The following PACRG variants were observed in gnomAD, a reference collection of about 807,000 sequenced individuals.
PACRG encodes parkin coregulated, also known as parkin coregulated gene protein.
In PACRG, 29 loss-of-function variants were observed where a neutral mutation model predicts 29.7. That is an observed-to-expected ratio of 0.98 (90% CI 0.73 to 1.33). The LOEUF (loss-of-function observed/expected upper bound fraction) is 1.33, where lower values mean the gene tolerates loss of function less well. PACRG is among the 40% of genes most tolerant of loss of function. The pLI, the probability that PACRG is intolerant of heterozygous loss-of-function variation, is 0.00. For synonymous variants in PACRG, 116 were observed against 118.7 expected, an observed-to-expected ratio of 0.98 and a Z score of 0.15; for missense variants, 279 against 316.2, an observed-to-expected ratio of 0.88 and a Z score of 0.89.
chr6:163,278,038 G>A (rs182060472), intron 4 of PACRG, among the ~76,000 whole-genome samples: 1 of 152,202 alleles, frequency 6.6e-6, no homozygotes, highest in East Asian at 1.9e-4. Context: ...TCTTGCAGGA[G>A]TGAGGTGGTA....
At chr6:163,029,924 A>G (rs1242895671) in intron 2 of PACRG, among the ~76,000 whole-genome samples, 2 of 152,224 alleles carry the variant, frequency 1.3e-5, no homozygotes, top group Admixed American at 6.5e-5. Flanking sequence ...TTCCAGGAGT[A>G]AATGAGGAGC....
chr6:162,930,993 AT>A (rs1276748613), intron 2 of PACRG, among the ~76,000 whole-genome samples: 1 of 151,028 alleles, frequency 6.6e-6, no homozygotes, highest in Non-Finnish European at 1.5e-5. Flanking sequence ...TTTGTTGATA[AT>A]TTTTTCATAT....
At chr6:163,164,435 C>A (rs1348700666) in intron 4 of PACRG, among the ~76,000 whole-genome samples, 1 of 152,186 alleles carries the variant, frequency 6.6e-6, no homozygotes, top group African/African-American at 2.4e-5. Context: ...CAGGTCTGGA[C>A]AAGACTCTGC....
At chr6:162,775,505 G>A (rs1018187416) in intron 1 of PACRG, among the ~76,000 whole-genome samples, 1 of 152,098 alleles carries the variant, frequency 6.6e-6, no homozygotes, top group African/African-American at 2.4e-5. Context: ...GAACTTAAAT[G>A]CCCTTTGATA....
At chr6:163,245,113 A>AAAAT in intron 4 of PACRG, 1 of 435,896 alleles carries the variant, frequency 2.3e-6, no homozygotes, top group Non-Finnish European at 4.6e-6. Context: ...TATGAATGTC[A>AAAAT]CACATTTCAT....
intron 4 of PACRG, among the ~76,000 whole-genome samples, chr6:163,158,441 A>G (rs933752834): frequency 3.9e-5 from 6 of 152,150 alleles, no homozygotes; most frequent in African/African-American, 1.4e-4. Context: ...TGAACCCTTA[A>G]AGATCAAAGC....
intron 3 of PACRG, among the ~76,000 whole-genome samples, chr6:163,072,093 A>G (rs524087): frequency 0.49 from 73,832 of 150,790 alleles, 20,736 homozygotes; most frequent in East Asian, 0.94. Context: ...CTATAAGGCC[A>G]GTATTATCCT....
intron 2 of PACRG, among the ~76,000 whole-genome samples, chr6:162,905,504 C>A (rs1295259351): frequency 6.6e-6 from 1 of 152,146 alleles, no homozygotes; most frequent in Non-Finnish European, 1.5e-5. Flanking sequence ...TAATTCCACC[C>A]TTTAATTTCA....
At chr6:162,862,341 A>T (rs925742035) in intron 2 of PACRG, among the ~76,000 whole-genome samples, 6 of 151,904 alleles carry the variant, frequency 3.9e-5, no homozygotes, top group African/African-American at 1.5e-4. Flanking sequence ...TGCTGGCTGA[A>T]CCTCTTGGGA....
At chr6:162,743,148 G>A (rs1780729214) in intron 1 of PACRG, among the ~76,000 whole-genome samples, 1 of 152,036 alleles carries the variant, frequency 6.6e-6, no homozygotes, top group African/African-American at 2.4e-5. Context: ...TCATATATCT[G>A]CTGGGCATCT....
At chr6:162,742,051 T>A (rs916523682) in intron 1 of PACRG, among the ~76,000 whole-genome samples, 2 of 152,136 alleles carry the variant, frequency 1.3e-5, no homozygotes, top group South Asian at 2.1e-4. Flanking sequence ...ACCAACATCA[T>A]CCCAACTCCC....
chr6:163,049,740 C>T (rs1809796908), intron 2 of PACRG, among the ~76,000 whole-genome samples: 1 of 151,986 alleles, frequency 6.6e-6, no homozygotes, highest in African/African-American at 2.4e-5. Flanking sequence ...CCCTGAAATA[C>T]CATTTTTAAC....
chr6:163,277,762 G>A (rs1784097235), intron 4 of PACRG, among the ~76,000 whole-genome samples: 1 of 151,382 alleles, frequency 6.6e-6, no homozygotes, highest in South Asian at 2.1e-4. Flanking sequence ...CTGATTCCAT[G>A]TTTTTGCAAT....
At chr6:162,803,987 G>A (rs1216948265) in intron 1 of PACRG, among the ~76,000 whole-genome samples, 1 of 151,868 alleles carries the variant, frequency 6.6e-6, no homozygotes, top group African/African-American at 2.4e-5. Flanking sequence ...ATGGCAAATA[G>A]TAGGTGGAAT....
intron 2 of PACRG, among the ~76,000 whole-genome samples, chr6:162,946,209 T>TC (rs1798993494): frequency 6.6e-6 from 1 of 151,768 alleles, no homozygotes. Context: ...CAAAACATTG[T>TC]TTTAAAGATC....
intron 4 of PACRG, among the ~76,000 whole-genome samples, chr6:163,189,215 A>G (rs1780090855): frequency 6.6e-6 from 1 of 152,274 alleles, no homozygotes; most frequent in Non-Finnish European, 1.5e-5. Flanking sequence ...GTTTTGTTAA[A>G]GAAAAGTCAG....
rs544794766 is a variant in PACRG, at chr6:163,199,412, A to T, written c.613+110004A>T. ...TCAGCCGCTGTTCCAAGTGAAAAGT[A>T]GTGCTTTGTGTCTATTCATTCCTTC... On this transcript the variant is annotated intron_variant, in intron 4 of 4. Transcript: ENST00000366888. 2.0e-5 allele frequency among the ~76,000 whole-genome samples: 3 copies of T among 152,330 alleles called. No individual in the cohort carries two copies. The South Asian group carries it at 6.2e-4, about 32-fold the overall frequency.
chr6:162,835,630 AG>A (rs1241171793), intron 2 of PACRG, among the ~76,000 whole-genome samples: 2 of 152,124 alleles, frequency 1.3e-5, no homozygotes, highest in Non-Finnish European at 2.9e-5. Flanking sequence ...GAAAAACCGA[AG>A]GGTTTGTGAA....
chr6:162,926,736 T>C (rs1797467024), intron 2 of PACRG, among the ~76,000 whole-genome samples: 1 of 152,120 alleles, frequency 6.6e-6, no homozygotes, highest in Non-Finnish European at 1.5e-5. Flanking sequence ...ATTCAGGACA[T>C]AGGCATGATC....
Sources: gnomAD v4.1 joint callset for allele counts (sites outside exome capture counted in the v4.1 genomes callset) on GRCh38, gnomAD v4.1.1 for gene constraint, MANE v1.5 for transcripts, NCBI Gene and HGNC (gene_info 2026-07-23, HGNC 2026-07-21) for gene names.